PRH1: variants seen among roughly 807,000 people sequenced by gnomAD.
The protein encoded by PRH1 is proline rich protein HaeIII subfamily 1.
In PRH1, 7 loss-of-function variants were observed where a neutral mutation model predicts 7.9. That is an observed-to-expected ratio of 0.89 (90% CI 0.50 to 1.67). The LOEUF (loss-of-function observed/expected upper bound fraction) is 1.67, where lower values mean the gene tolerates loss of function less well. PRH1 is among the 40% of genes most tolerant of loss of function. The pLI is 0.00. For synonymous variants in PRH1, 45 were observed against 80.8 expected (o/e 0.56, Z 2.38); for missense variants, 109 against 223.6 (o/e 0.49, Z 3.27).
At chr12:11,054,988 T>C (rs1247556044) in intron 1 of PRH1, among the ~76,000 whole-genome samples, 1 of 46,876 alleles carries the variant, frequency 2.1e-5, no homozygotes, top group East Asian at 6.7e-4. Flanking sequence ...CCCAGGTTCA[T>C]GCCATTCTCT....
intron 1 of PRH1, among the ~76,000 whole-genome samples, chr12:11,152,821 G>C (rs1475273465): frequency 6.6e-6 from 1 of 152,062 alleles, no homozygotes; most frequent in African/African-American, 2.4e-5. Context: ...AGTTTGTCTG[G>C]GCCTTCTTGT....
At chr12:11,042,790 C>T (rs111975300) in intron 1 of PRH1, among the ~76,000 whole-genome samples, 27 of 151,892 alleles carry the variant, frequency 1.8e-4, no homozygotes, top group Non-Finnish European at 3.1e-4. Context: ...CCACCACGCC[C>T]GGCTAAATTT....
intron 1 of PRH1, chr12:10,997,733 A>C (rs1009533683): frequency 1.2e-6 from 2 of 1,613,862 alleles, no homozygotes; most frequent in Admixed American, 1.7e-5. Context: ...CAGAGCAGCA[A>C]TAATTTGATC....
chr12:10,946,034 TTCAAACACACAGGC>T (rs1157397788), intron 2 of PRH1, among the ~76,000 whole-genome samples: 5 of 152,236 alleles, frequency 3.3e-5, no homozygotes, highest in Non-Finnish European at 5.9e-5. Context: ...TTTCATATTG[TTCAAACACACAGGC>T]TCTACAATTT....
chr12:11,061,876 A>G (rs374662609), intron 1 of PRH1: 15 of 1,613,942 alleles, frequency 9.3e-6, no homozygotes, highest in Non-Finnish European at 1.2e-5. Flanking sequence ...ATGACAAACC[A>G]AAAATAGCAA....
intron 1 of PRH1, among the ~76,000 whole-genome samples, chr12:11,130,381 T>C (rs1267610000): frequency 6.6e-6 from 1 of 152,180 alleles, no homozygotes; most frequent in African/African-American, 2.4e-5. Flanking sequence ...TTGCTCTCTC[T>C]ATATATTTCC....
chr12:10,881,931 G>C (rs1381238797), intron 3 of PRH1, among the ~76,000 whole-genome samples: 2 of 152,170 alleles, frequency 1.3e-5, no homozygotes, highest in African/African-American at 4.8e-5. Flanking sequence ...AGAAAATAGA[G>C]AGAGCCAAAG....
intron 1 of PRH1, among the ~76,000 whole-genome samples, chr12:11,110,118 G>GA (rs540064293): frequency 2.6e-5 from 4 of 152,014 alleles, no homozygotes; most frequent in Non-Finnish European, 5.9e-5. Context: ...TGAGATTAGA[G>GA]AAAAAAGAAT....
At chr12:10,919,907 C>T (rs1338653684) in intron 2 of PRH1, among the ~76,000 whole-genome samples, 1 of 145,528 alleles carries the variant, frequency 6.9e-6, no homozygotes, top group Non-Finnish European at 1.5e-5. Flanking sequence ...TTTTTTTAAT[C>T]TTTTTTTTTT....
At chr12:11,099,793 T>C (rs930633265) in intron 1 of PRH1, among the ~76,000 whole-genome samples, 12 of 152,150 alleles carry the variant, frequency 7.9e-5, no homozygotes, top group African/African-American at 2.9e-4. Context: ...CAGAAAAACA[T>C]AACTGATAAA....
chr12:11,156,404 T>C (rs905041470), intron 1 of PRH1, among the ~76,000 whole-genome samples: 1 of 152,184 alleles, frequency 6.6e-6, no homozygotes, highest in South Asian at 2.1e-4. Context: ...ATTTTATTAT[T>C]TTTGGAAAGG....
chr12:10,918,660 C>T (rs529261057), intron 2 of PRH1, among the ~76,000 whole-genome samples: 9 of 152,152 alleles, frequency 5.9e-5, no homozygotes, highest in Non-Finnish European at 4.4e-5. Context: ...CGAGACTGCT[C>T]GTAACTTTGC....
At chr12:10,887,384 G>T (rs1949507797), upstream of PRH1, among the ~76,000 whole-genome samples, 1 of 152,088 alleles carries the variant, frequency 6.6e-6, no homozygotes, top group Non-Finnish European at 1.5e-5. Flanking sequence ...TAGTCTCTGA[G>T]ACTTCAACTT....
chr12:10,967,010 G>A (rs1938534073), intron 2 of PRH1, among the ~76,000 whole-genome samples: 1 of 151,860 alleles, frequency 6.6e-6, no homozygotes, highest in Non-Finnish European at 1.5e-5. Context: ...AGCTACTTGG[G>A]AGGCTGAGGC....
At position 10,962,220 on chromosome 12, in the gene PRH1, A is replaced by AT. The variant is rs1938270844; in HGVS notation, c.-59+11434dup. On this transcript the variant is annotated intron_variant, in intron 2 of 3. Coordinates refer to the PRH1 transcript ENST00000539853. ...ATTAAAATGTTCATTTAGAAAGGAT[A>AT]TTAAAAATATTATATAAAAATCACA... is the stretch of plus-strand genomic sequence containing the variant. Among the ~76,000 whole-genome samples the AT allele has an allele frequency of 2.0e-5, 3 of 152,246 alleles. No individual in the cohort carries two copies. In the South Asian group the frequency reaches 6.2e-4, roughly 31 times the overall value.
intron 2 of PRH1, among the ~76,000 whole-genome samples, chr12:10,893,893 T>A (rs1240904934): frequency 1.3e-5 from 2 of 152,158 alleles, no homozygotes; most frequent in South Asian, 4.1e-4. Flanking sequence ...TACTGTTACC[T>A]TAAACTTGCG....
At position 11,098,330 on chromosome 12, in the gene PRH1, G is replaced by A. The variant is rs371097457; in HGVS notation, n.124-51142C>T. On this transcript the variant is annotated intron_variant and non_coding_transcript_variant, in intron 1 of 4. Transcript: ENST00000541977. ...GTGTCAAGCCAGAAATCACCATGGCGTGTTAACTAATGAGTTCAATGATCT... is the reference window on the plus strand; with the variant it reads ...GTGTCAAGCCAGAAATCACCATGGCATGTTAACTAATGAGTTCAATGATCT... Among the ~76,000 whole-genome samples the A allele has an allele frequency of 5.1e-4, 77 of 151,578 alleles. No individual in the cohort carries two copies. In the South Asian group the frequency reaches 0.014, roughly 27 times the overall value.
At chr12:11,061,736 G>C (rs778068605) in intron 1 of PRH1, 2 of 1,614,142 alleles carry the variant, frequency 1.2e-6, no homozygotes, top group Non-Finnish European at 1.7e-6. Context: ...AGAGTGAAGG[G>C]AACTAAGTTT....
At chr12:10,905,431 T>G (rs1445501034) in intron 2 of PRH1, among the ~76,000 whole-genome samples, 1 of 151,510 alleles carries the variant, frequency 6.6e-6, no homozygotes, top group Non-Finnish European at 1.5e-5. Flanking sequence ...CTTTGGGAGG[T>G]CAAGGTGGGC....
Sources: allele counts gnomAD v4.1 joint callset (sites outside exome capture counted in the v4.1 genomes callset), GRCh38; gene constraint gnomAD v4.1.1; transcripts MANE v1.5; gene names NCBI Gene and HGNC (gene_info 2026-07-23, HGNC 2026-07-21).